The following EDEM2 variants were observed in gnomAD, a reference collection of about 807,000 sequenced individuals.
The protein encoded by EDEM2 is ER degradation-enhancing alpha-mannosidase-like protein 2.
In EDEM2, 39 loss-of-function variants were observed where a neutral mutation model predicts 64.8. The ratio of observed to expected loss-of-function variants is 0.60; its 90% CI spans 0.47 to 0.79. The LOEUF is 0.79. Among genes scored for constraint, EDEM2 ranks in the 30% least tolerant of loss-of-function variants. The pLI is 0.00. For synonymous variants in EDEM2, 296 were observed against 291.5 expected (o/e 1.02, Z -0.16); for missense variants, 609 against 731.3 (o/e 0.83, Z 1.93).
intron 10 of EDEM2, among the ~76,000 whole-genome samples, chr20:35,117,601 C>G (rs563724827): frequency 1.3e-5 from 2 of 152,218 alleles, no homozygotes; most frequent in Admixed American, 1.3e-4. Context: ...TAGGTCTTCT[C>G]TCTTCCCCTA....
intron 3 of EDEM2, among the ~76,000 whole-genome samples, chr20:35,143,849 C>T (rs1025716389): frequency 3.9e-5 from 6 of 152,144 alleles, no homozygotes; most frequent in Admixed American, 1.3e-4. Flanking sequence ...GCTGGGATTA[C>T]AGGCATGAGC....
At chr20:35,121,491 G>C (rs1430332683) in intron 9 of EDEM2, among the ~76,000 whole-genome samples, 1 of 152,214 alleles carries the variant, frequency 6.6e-6, no homozygotes. Context: ...ACCTCCTGCT[G>C]TGTGGCCTGG....
chr20:35,138,727 T>C (rs1256696032), intron 4 of EDEM2, among the ~76,000 whole-genome samples: 1 of 151,538 alleles, frequency 6.6e-6, no homozygotes, highest in East Asian at 2.0e-4. Context: ...CTACAGGAGC[T>C]CACCACCATG....
chr20:35,135,137 G>A (rs1267362943), intron 5 of EDEM2, among the ~76,000 whole-genome samples, 188 bp from the exon 6 acceptor site: 2 of 152,176 alleles, frequency 1.3e-5, no homozygotes, highest in Non-Finnish European at 2.9e-5. Flanking sequence ...CCCAGATGCT[G>A]TCAAACACTG....
intron 2 of EDEM2, among the ~76,000 whole-genome samples, chr20:35,145,807 C>G (rs2085721878): frequency 6.6e-6 from 1 of 151,978 alleles, no homozygotes. Context: ...GTCAGGAGTT[C>G]AAGACCAGCC....
chr20:35,147,076 T>TG, intron 1 of EDEM2, 76 bp downstream of exon 1: 6 of 1,551,922 alleles, frequency 3.9e-6, no homozygotes, highest in Non-Finnish European at 5.2e-6. Flanking sequence ...AGTCGGGGTC[T>TG]GGGATGGACG....
intron 2 of EDEM2, among the ~76,000 whole-genome samples, chr20:35,146,478 T>G (rs1670118192): frequency 6.6e-6 from 1 of 152,108 alleles, no homozygotes; most frequent in Non-Finnish European, 1.5e-5. Flanking sequence ...TGGATCTGAA[T>G]GCCCACCTAC....
chr20:35,124,661 C>G (rs1010718004), intron 8 of EDEM2, among the ~76,000 whole-genome samples: 1 of 152,184 alleles, frequency 6.6e-6, no homozygotes, highest in African/African-American at 2.4e-5. Context: ...ACCCATCTTG[C>G]CTGGCCTCAG....
chr20:35,142,334 C>G, intron 4 of EDEM2, 39 bp downstream of exon 4: 1 of 1,536,370 alleles, frequency 6.5e-7, no homozygotes, highest in Admixed American at 1.7e-5. Context: ...CAACTTCACA[C>G]TCTTTTTTCT....
At chr20:35,123,849 C>A in intron 9 of EDEM2, 41 bp downstream of exon 9, 1 of 1,604,958 alleles carries the variant, frequency 6.2e-7, no homozygotes, top group Non-Finnish European at 8.5e-7. Flanking sequence ...TTTCAGCAAC[C>A]AGAGCCTGTG....
chr20:35,127,500 T>G (rs1405771778), intron 7 of EDEM2, among the ~76,000 whole-genome samples: 1 of 152,174 alleles, frequency 6.6e-6, no homozygotes, highest in Non-Finnish European at 1.5e-5. Flanking sequence ...GACTTTGTTT[T>G]GTCTACTGCA....
At chr20:35,143,644 G>A (rs1384756783) in intron 3 of EDEM2, among the ~76,000 whole-genome samples, 6 of 152,086 alleles carry the variant, frequency 3.9e-5, no homozygotes, top group Admixed American at 1.3e-4. Context: ...ACTCTTCCCC[G>A]GCAGTCACTC....
rs1555925737 is a variant in EDEM2, at chr20:35,118,626, A to AT, written c.1207dup (p.Ile403AsnfsTer40). On this transcript the variant is annotated frameshift_variant, in exon 10 of 11. Coordinates refer to ENST00000374492, the MANE Select transcript of EDEM2 (RefSeq NM_018217.3). LOFTEE classifies it high-confidence loss of function. ...TGCAAATCCGCACTCCACCTTGCTGATTTTTTCAATGGATTCCACAGCATC... is the reference window on the plus strand; with the variant it reads ...TGCAAATCCGCACTCCACCTTGCTGATTTTTTTCAATGGATTCCACAGCATC... 2.5e-6 allele frequency: 4 copies of AT among 1,613,902 alleles called. No individual in the cohort carries two copies. The highest frequency in any genetic ancestry group is 3.4e-6 in the Non-Finnish European group (4 of 1,179,990).
Position 35,120,770 on chromosome 20 carries a change from GTA to G in EDEM2, c.1115-2053_1115-2052del, listed in dbSNP as rs1333722768. ...ATGCCACCGTGCCCGGCTAATTTTT[GTA>G]TTTTTAGTAGAGACAGGGTTTCGCC... is the stretch of plus-strand genomic sequence containing the variant. On this transcript the variant is annotated intron_variant, in intron 9 of 10. Coordinates refer to ENST00000374492, the MANE Select transcript of EDEM2 (RefSeq NM_018217.3). 2.0e-5 allele frequency among the ~76,000 whole-genome samples: 3 copies of G among 152,080 alleles called. No individual in the cohort carries two copies. In the East Asian group the frequency reaches 5.8e-4, roughly 29 times the overall value.
intron 4 of EDEM2, among the ~76,000 whole-genome samples, chr20:35,139,880 A>G (rs780379491): frequency 6.6e-6 from 1 of 152,132 alleles, no homozygotes; most frequent in Non-Finnish European, 1.5e-5. Context: ...GAAGACAGCC[A>G]AAGTGAAAAC....
intron 7 of EDEM2, among the ~76,000 whole-genome samples, chr20:35,129,775 T>C (rs1041802958): frequency 6.6e-6 from 1 of 152,204 alleles, no homozygotes; most frequent in Admixed American, 6.5e-5. Context: ...ATTTGTACTG[T>C]ACTTTTTCTA....
intron 8 of EDEM2, 40 bp downstream of exon 8, chr20:35,126,211 G>T: frequency 6.3e-7 from 1 of 1,598,698 alleles, no homozygotes; most frequent in South Asian, 1.1e-5. Flanking sequence ...TGCTTTGCCA[G>T]ACTCATAGAA....
intron 7 of EDEM2, 137 bp downstream of exon 7, chr20:35,131,505 G>T: frequency 2.0e-6 from 2 of 1,024,408 alleles, no homozygotes; most frequent in Non-Finnish European, 1.4e-6. Context: ...GGCAGAGGTT[G>T]CAGTGAGCCT....
At chr20:35,124,596 G>T (rs1003868748) in intron 8 of EDEM2, among the ~76,000 whole-genome samples, 1 of 151,934 alleles carries the variant, frequency 6.6e-6, no homozygotes, top group Non-Finnish European at 1.5e-5. Context: ...TTAATCTCCT[G>T]GGCTCAAGTG....
Sources: gnomAD v4.1 joint callset for allele counts (sites outside exome capture counted in the v4.1 genomes callset) on GRCh38, gnomAD v4.1.1 for gene constraint, MANE v1.5 for transcripts, NCBI Gene and HGNC (gene_info 2026-07-23, HGNC 2026-07-21) for gene names.